The following NBEA variants were observed in gnomAD, a reference collection of about 807,000 sequenced individuals.
The protein encoded by NBEA is neurobeachin, also known as lysosomal-trafficking regulator 2.
A neutral mutation model predicts 343.4 loss-of-function variants in NBEA; 44 were observed. The observed-to-expected ratio is 0.13, with a 90% CI of 0.10 to 0.16. NBEA has a LOEUF of 0.16. NBEA is among the 10% of genes least tolerant of loss of function. The pLI is 1.00. For synonymous variants in NBEA, 1,175 were observed against 1,238.7 expected (o/e 0.95, Z 1.08); for missense variants, 2,555 against 3,631.3 (o/e 0.70, Z 7.62).
chr13:35,252,035 AC>A (rs1475467742), intron 34 of NBEA, among the ~76,000 whole-genome samples: 1 of 152,172 alleles, frequency 6.6e-6, no homozygotes, highest in Non-Finnish European at 1.5e-5. Context: ...ACATCCATCT[AC>A]TTTTTTATCC....
intron 47 of NBEA, among the ~76,000 whole-genome samples, chr13:35,596,547 GGAA>G (rs1337752754): frequency 1.3e-5 from 2 of 152,096 alleles, no homozygotes; most frequent in African/African-American, 2.4e-5. Context: ...ACGCAAGCTG[GGAA>G]GAAGGAGTGC....
At chr13:34,990,929 C>T (rs765780591) in intron 1 of NBEA, among the ~76,000 whole-genome samples, 1 of 152,230 alleles carries the variant, frequency 6.6e-6, no homozygotes, top group South Asian at 2.1e-4. Flanking sequence ...TAAATCATCT[C>T]TCAAGTTCAA....
intron 31 of NBEA, among the ~76,000 whole-genome samples, chr13:35,204,002 C>T (rs981856434): frequency 1.4e-4 from 22 of 152,112 alleles, no homozygotes; most frequent in African/African-American, 5.3e-4. Flanking sequence ...GGGGTCCCCA[C>T]CCCTGGGCCA....
At chr13:35,190,717 A>C (rs546028737) in intron 30 of NBEA, among the ~76,000 whole-genome samples, 1 of 152,280 alleles carries the variant, frequency 6.6e-6, no homozygotes, top group Non-Finnish European at 1.5e-5. Context: ...TTTACAACAA[A>C]AAGAATTATG....
At chr13:35,258,596 A>G (rs943131464) in intron 34 of NBEA, among the ~76,000 whole-genome samples, 2 of 152,026 alleles carry the variant, frequency 1.3e-5, no homozygotes, top group African/African-American at 4.8e-5. Context: ...CAGTTTGTCA[A>G]CCCCATTCCT....
intron 55 of NBEA, among the ~76,000 whole-genome samples, chr13:35,664,111 A>T (rs1593513015): frequency 6.6e-6 from 1 of 152,176 alleles, no homozygotes; most frequent in South Asian, 2.1e-4. Flanking sequence ...CCCTCTTGCC[A>T]CTGTGGGCAG....
intron 48 of NBEA, 77 bp downstream of exon 48, chr13:35,606,655 T>A (rs2082293041): frequency 8.3e-7 from 1 of 1,201,772 alleles, no homozygotes; most frequent in Admixed American, 2.8e-5. Context: ...GTCCTGTTCT[T>A]TACTATAATA....
intron 49 of NBEA, among the ~76,000 whole-genome samples, chr13:35,633,381 C>T (rs2083552797): frequency 6.6e-6 from 1 of 150,736 alleles, no homozygotes; most frequent in East Asian, 2.1e-4. Flanking sequence ...GGATTACAGG[C>T]GTGAGCCACC....
At chr13:35,504,533 G>A (rs1038513253) in intron 41 of NBEA, among the ~76,000 whole-genome samples, 2 of 151,920 alleles carry the variant, frequency 1.3e-5, no homozygotes, top group African/African-American at 4.8e-5. Context: ...CTGTTTTTGA[G>A]TATGTAAAGA....
At chr13:35,270,499 G>T (rs2034046307) in intron 34 of NBEA, among the ~76,000 whole-genome samples, 1 of 152,230 alleles carries the variant, frequency 6.6e-6, no homozygotes, top group South Asian at 2.1e-4. Flanking sequence ...GCAGCCCATG[G>T]AGGGCGAGCT....
intron 38 of NBEA, among the ~76,000 whole-genome samples, chr13:35,381,507 AC>A (rs1377831849): frequency 7.2e-5 from 11 of 152,094 alleles, no homozygotes; most frequent in African/African-American, 2.4e-4. Context: ...GAATATCCAG[AC>A]TTCTATTCCC....
At chr13:35,200,458 C>CAA (rs5802754) in intron 31 of NBEA, among the ~76,000 whole-genome samples, 22,009 of 137,024 alleles carry the variant, frequency 0.16, 2,007 homozygotes, top group Middle Eastern at 0.31. Flanking sequence ...GAACAAAAGA[C>CAA]AAAAAAAAAA....
chr13:35,472,708 A>C (rs997025378), intron 41 of NBEA, among the ~76,000 whole-genome samples, 172 bp downstream of exon 41: 1 of 152,196 alleles, frequency 6.6e-6, no homozygotes, highest in African/African-American at 2.4e-5. Context: ...AGAATATATT[A>C]ATGAATTTAA....
intron 17 of NBEA, among the ~76,000 whole-genome samples, chr13:35,132,840 G>A (rs1381352868): frequency 1.3e-5 from 2 of 152,056 alleles, no homozygotes; most frequent in African/African-American, 4.8e-5. Flanking sequence ...TAAATGAATT[G>A]TTCATTTGCA....
Position 35,665,096 on chromosome 13 carries a change from G to T in NBEA, c.8374G>T (p.Ala2792Ser). The change falls in exon 56 of 59, where the codon GCA becomes TCA. Residue 2792 changes from alanine to serine, a missense_variant. Ala to Ser is a moderately conservative substitution (Grantham distance 99, BLOSUM62 1). Around this residue, in one of 21 missense-constraint regions of NBEA, gnomAD observed 186 missense variants for 328.9 expected, o/e 0.57. Coordinates refer to ENST00000379939, the MANE Select transcript of NBEA (RefSeq NM_001385012.1). Reference protein sequence around the residue: ...GDNPNSSDYPAPRAVLTGHDH... With the variant: ...GDNPNSSDYPSPRAVLTGHDH... Reference sequence around the variant, plus strand: ...CTGTTTTCTTGCAGGTGACTATCCGGCACCAAGAGCCGTCCTCACAGGCCA... The same window carrying T: ...CTGTTTTCTTGCAGGTGACTATCCGTCACCAAGAGCCGTCCTCACAGGCCA... 2 of 1,571,376 alleles carry T rather than the reference G, an allele frequency of 1.3e-6. No individual in the cohort carries two copies. The highest frequency in any genetic ancestry group is 1.7e-6 in the Non-Finnish European group (2 of 1,155,926).
In NBEA at chr13:35,541,404, C is replaced by T. The variant is rs930543487; in HGVS notation, c.6586-9073C>T. Among the ~76,000 whole-genome samples, 9 of 151,812 alleles carry T rather than the reference C, an allele frequency of 5.9e-5. No individual in the cohort carries two copies. The East Asian group carries it at 9.7e-4, about 16-fold the overall frequency. ...ATAAATATTTGTTAAATTAAAGGAACGGAAGAAAAATAAAATTGATAAACC... is the reference window on the plus strand; with the variant it reads ...ATAAATATTTGTTAAATTAAAGGAATGGAAGAAAAATAAAATTGATAAACC... On this transcript the variant is annotated intron_variant, in intron 41 of 58. Transcript: ENST00000379939.
At chr13:35,200,277 G>A (rs992165005) in intron 31 of NBEA, among the ~76,000 whole-genome samples, 2 of 151,688 alleles carry the variant, frequency 1.3e-5, no homozygotes, top group Non-Finnish European at 2.9e-5. Context: ...TTACTTTGGA[G>A]TAATGCTTTT....
intron 38 of NBEA, among the ~76,000 whole-genome samples, chr13:35,427,684 G>T (rs972537483): frequency 1.1e-4 from 16 of 152,192 alleles, no homozygotes; most frequent in African/African-American, 3.9e-4. Flanking sequence ...ATTTAAGTCT[G>T]CAGAGGTTAC....
chr13:35,110,212 C>T (rs538691553), intron 12 of NBEA, among the ~76,000 whole-genome samples: 46 of 133,656 alleles, frequency 3.4e-4, no homozygotes, highest in South Asian at 2.7e-3. Flanking sequence ...CCCCCTCCCC[C>T]GAAAGAAGAC....
Sources: gnomAD v4.1 joint callset for allele counts (sites outside exome capture counted in the v4.1 genomes callset) on GRCh38, gnomAD v4.1.1 for gene constraint, gnomAD v4.1.1 regional missense constraint, MANE v1.5 for transcripts, NCBI Gene and HGNC (gene_info 2026-07-23, HGNC 2026-07-21) for gene names.